FARSB: variants seen among roughly 807,000 people sequenced by gnomAD.
FARSB encodes phenylalanyl-tRNA synthetase subunit beta.
Under a neutral mutation model 69.6 loss-of-function variants are expected in FARSB, and 40 were observed. The ratio of observed to expected loss-of-function variants is 0.57; its 90% CI spans 0.45 to 0.75. The LOEUF (loss-of-function observed/expected upper bound fraction) is 0.75. Ranked by LOEUF, FARSB falls within the 30% of genes least tolerant of loss-of-function variation. The probability of loss-of-function intolerance (pLI) is 0.00; values close to 1 mark genes in which losing one functional copy is unlikely to be tolerated. For synonymous variants in FARSB, 235 were observed against 247.2 expected (o/e 0.95, Z 0.46); for missense variants, 632 against 722.9 (o/e 0.87, Z 1.44).
intron 5 of FARSB, among the ~76,000 whole-genome samples, chr2:222,639,067 T>G (rs1044366969): frequency 6.6e-6 from 1 of 152,234 alleles, no homozygotes; most frequent in Non-Finnish European, 1.5e-5. Context: ...AAATTATGCA[T>G]AGTAATGTAA....
At chr2:222,577,858 T>G (rs1403659728) in intron 16 of FARSB, among the ~76,000 whole-genome samples, 2 of 152,228 alleles carry the variant, frequency 1.3e-5, no homozygotes, top group African/African-American at 4.8e-5. Flanking sequence ...AATGATTAAA[T>G]AGAAAATGCT....
At chr2:222,654,039 T>C (rs540769964) in intron 1 of FARSB, among the ~76,000 whole-genome samples, 8 of 152,250 alleles carry the variant, frequency 5.3e-5, no homozygotes, top group Non-Finnish European at 1.2e-4. Context: ...CAGATGATAG[T>C]AAATAGGTTA....
At position 222,634,448 on chromosome 2, in the gene FARSB, G is replaced by A. The variant is rs75834252; in HGVS notation, c.549C>T (p.Phe183=). 3.1e-6 allele frequency: 5 copies of A among 1,611,372 alleles called. No homozygotes were observed. In the African/African-American group the frequency reaches 6.7e-5, roughly 22 times the overall value. ...ACTCCTTGGTCTTATTTAGAGGCTT[G>A]AATTTGATATCTGAAGGACGCTTTG... ...YTAKRPSDIK[F]KPLNKTKEYT... The change falls in exon 6 of 17, where the codon TTC becomes TTT. Residue 183 remains phenylalanine (F), a synonymous_variant. Transcript: ENST00000281828.
At chr2:222,599,321 T>G (rs1190021174) in intron 16 of FARSB, among the ~76,000 whole-genome samples, 1 of 152,194 alleles carries the variant, frequency 6.6e-6, no homozygotes, top group Non-Finnish European at 1.5e-5. Flanking sequence ...CAGAGTTCCT[T>G]GGATAATGAG....
Position 222,624,381 on chromosome 2 carries a change from G to T in FARSB, c.1061C>A (p.Thr354Asn). 1 of 1,608,086 alleles carries T rather than the reference G, an allele frequency of 6.2e-7. No individual in the cohort carries two copies. Among genetic ancestry groups the T allele is most frequent in the South Asian group, 1.1e-5 (1 of 90,976 alleles). The change falls in exon 12 of 17, where the codon ACC becomes AAC. Residue 354 changes from threonine to asparagine, a missense_variant. Physicochemically the swap from Thr to Asn is moderately conservative, Grantham distance 65 (BLOSUM62 0). Transcript: ENST00000281828. Reference protein sequence around the residue: ...GNQIEIEIPPTRADIIHACDI... With the variant: ...GNQIEIEIPPNRADIIHACDI... ...ACATGCATGGATAATGTCAGCTCTG[G>T]TTGGAGGGATTTCAATCTCAATCTG...
intron 14 of FARSB, among the ~76,000 whole-genome samples, chr2:222,617,613 G>A (rs532234375): frequency 1.3e-4 from 20 of 152,350 alleles, no homozygotes; most frequent in African/African-American, 4.8e-4. Flanking sequence ...GCCAAGCGAG[G>A]TGGCTCACAC....
intron 14 of FARSB, among the ~76,000 whole-genome samples, chr2:222,617,508 T>C (rs1574934988): frequency 6.6e-6 from 1 of 152,056 alleles, no homozygotes; most frequent in Non-Finnish European, 1.5e-5. Flanking sequence ...GGGTGACGGG[T>C]TCAGTCACAC....
chr2:222,645,832 T>A (rs1485782796), intron 2 of FARSB, among the ~76,000 whole-genome samples: 1 of 152,148 alleles, frequency 6.6e-6, no homozygotes. Context: ...ATATTGTTTT[T>A]TTATGAGAAA....
intron 16 of FARSB, among the ~76,000 whole-genome samples, chr2:222,587,911 C>G (rs544218092): frequency 6.6e-6 from 1 of 152,262 alleles, no homozygotes; most frequent in African/African-American, 2.4e-5. Flanking sequence ...GGATTCACAG[C>G]CAAATTCTAT....
rs80225964 is a variant in FARSB at position 222,578,470 on chromosome 2, A to G, written c.1619-6448T>C. 9.1e-3 allele frequency among the ~76,000 whole-genome samples: 1,393 copies of G among 152,368 alleles called. 25 individuals are homozygous for G. Among genetic ancestry groups the G allele is most frequent in the African/African-American group, 0.032 (1,333 of 41,588 alleles). ...GAGACCTTTAGCTAACTTAGTGCAA[A>G]CATAACTTTAAACATGTAATTTTGA... On this transcript the variant is annotated intron_variant, in intron 16 of 16. Transcript: ENST00000281828.
At chr2:222,632,363 T>G (rs944426341) in intron 7 of FARSB, among the ~76,000 whole-genome samples, 3 of 152,174 alleles carry the variant, frequency 2.0e-5, no homozygotes, top group Middle Eastern at 3.2e-3. Flanking sequence ...TCAGAGAGAT[T>G]AAACTATTTG....
At chr2:222,652,727 C>A (rs1692070194) in intron 1 of FARSB, among the ~76,000 whole-genome samples, 1 of 152,242 alleles carries the variant, frequency 6.6e-6, no homozygotes, top group Non-Finnish European at 1.5e-5. Context: ...AACACCTTGA[C>A]TGCAATCTGG....
At chr2:222,629,499 T>G (rs1174233330) in intron 9 of FARSB, among the ~76,000 whole-genome samples, 1 of 152,150 alleles carries the variant, frequency 6.6e-6, no homozygotes, top group East Asian at 1.9e-4. Flanking sequence ...TGTTCCTCCA[T>G]CTATATATTC....
chr2:222,619,772 A>G (rs750437451), intron 13 of FARSB, 35 bp from the exon 14 acceptor site: 1 of 1,154,414 alleles, frequency 8.7e-7, no homozygotes, highest in Non-Finnish European at 1.3e-6. Flanking sequence ...TAATATGGAA[A>G]AGCAATTACT....
At chr2:222,613,327 G>C (rs551488886) in intron 15 of FARSB, among the ~76,000 whole-genome samples, 1 of 152,220 alleles carries the variant, frequency 6.6e-6, no homozygotes, top group South Asian at 2.1e-4. Flanking sequence ...AGGCTGAGGC[G>C]GGTGGTCAGA....
At chr2:222,654,565 G>T (rs2106020734) in intron 1 of FARSB, among the ~76,000 whole-genome samples, 1 of 152,278 alleles carries the variant, frequency 6.6e-6, no homozygotes, top group Non-Finnish European at 1.5e-5. Context: ...AGAAGGGCAG[G>T]TAAGAAATAT....
Position 222,602,632 on chromosome 2 carries a change from T to G in FARSB, c.1463-2549A>C, listed in dbSNP as rs370132710. On this transcript the variant is annotated intron_variant, in intron 15 of 16. Transcript: ENST00000281828. ...CTACTTCTTTTTTTTTTAATTTTAT[T>G]ATTATTATACTTTAAGTTTTAGGGT... Among the ~76,000 whole-genome samples the G allele has an allele frequency of 5.4e-4, 82 of 151,884 alleles. No homozygotes were observed. The East Asian group carries it at 0.015, about 28-fold the overall frequency.
At position 222,571,550 on chromosome 2, in the gene FARSB, G is replaced by A. The variant is rs149330736; in HGVS notation, c.*321C>T. 20 of 195,848 alleles carry A rather than the reference G, an allele frequency of 1.0e-4. No homozygotes were observed. The highest frequency in any genetic ancestry group is 6.3e-4 in the East Asian group (5 of 7,982). The allele number at this position is 195,848 out of a possible 1,614,324, so 12.1% of individuals were successfully genotyped here. On this transcript the variant is annotated 3_prime_UTR_variant, in exon 17 of 17. Transcript: ENST00000281828. ...GGATCTTGTTATGCAGGAGTAATCC[G>A]TTCCAATGTGATGTTCTGATGTCTG...
At chr2:222,573,898 C>G (rs1689774036) in intron 16 of FARSB, among the ~76,000 whole-genome samples, 1 of 152,192 alleles carries the variant, frequency 6.6e-6, no homozygotes, top group African/African-American at 2.4e-5. Context: ...TGACACCAGT[C>G]TATTTTTAAG....
Sources: gnomAD v4.1 joint callset for allele counts (sites outside exome capture counted in the v4.1 genomes callset) on GRCh38, gnomAD v4.1.1 for gene constraint, MANE v1.5 for transcripts, NCBI Gene and HGNC (gene_info 2026-07-23, HGNC 2026-07-21) for gene names.